The following GLI3 variants were observed in gnomAD, a reference collection of about 807,000 sequenced individuals.
GLI3 encodes the protein transcription activator GLI3.
In GLI3, 20 loss-of-function variants were observed where a neutral mutation model predicts 100.8. The observed-to-expected ratio is 0.20, with a 90% CI of 0.14 to 0.29. The LOEUF is 0.29. Among genes scored for constraint, GLI3 ranks in the 10% least tolerant of loss-of-function variants. GLI3 has a pLI of 1.00. For synonymous variants in GLI3, 938 were observed against 860.5 expected (o/e 1.09, Z -1.58); for missense variants, 2,040 against 2,128.5 (o/e 0.96, Z 0.82).
At chr7:42,194,776 T>TTTTTTTTTTG (rs1787895021) in intron 2 of GLI3, among the ~76,000 whole-genome samples, 1 of 148,960 alleles carries the variant, frequency 6.7e-6, no homozygotes, top group African/African-American at 2.5e-5. Context: ...TTTTTTTTTT[T>TTTTTTTTTTG]GGAGTCGGAG....
intron 4 of GLI3, among the ~76,000 whole-genome samples, chr7:42,069,056 C>A (rs1784733375): frequency 6.6e-6 from 1 of 152,198 alleles, no homozygotes; most frequent in South Asian, 2.1e-4. Flanking sequence ...ACAGGTTTGA[C>A]AGCAGCCTCT....
chr7:42,148,095 C>T (rs1000554403), intron 3 of GLI3, 131 bp downstream of exon 3: 1 of 911,090 alleles, frequency 1.1e-6, no homozygotes, highest in Admixed American at 3.0e-5. Flanking sequence ...GAAAATTACA[C>T]CTTTTAATAA....
At chr7:42,068,059 T>C (rs568579191) in intron 4 of GLI3, among the ~76,000 whole-genome samples, 151 of 152,370 alleles carry the variant, frequency 9.9e-4, no homozygotes, top group African/African-American at 3.2e-3. Context: ...TTATTGGAAA[T>C]GCACTCACAT....
At chr7:42,017,698 C>T (rs549433455) in intron 10 of GLI3, among the ~76,000 whole-genome samples, 36 of 152,252 alleles carry the variant, frequency 2.4e-4, no homozygotes, top group Non-Finnish European at 4.6e-4. Flanking sequence ...ACACACAATG[C>T]GGAAGAAAAA....
intron 3 of GLI3, among the ~76,000 whole-genome samples, chr7:42,082,695 T>C (rs985773415): frequency 5.3e-5 from 8 of 152,298 alleles, no homozygotes; most frequent in Admixed American, 2.0e-4. Flanking sequence ...TGATCTTCTA[T>C]AGGGTAATGC....
At chr7:42,177,625 T>C (rs1433963988) in intron 2 of GLI3, among the ~76,000 whole-genome samples, 2 of 152,180 alleles carry the variant, frequency 1.3e-5, no homozygotes, top group East Asian at 1.9e-4. Flanking sequence ...CTAAATATGA[T>C]GGAAGGAAGA....
chr7:42,150,395 AT>A (rs1786826714), intron 2 of GLI3, among the ~76,000 whole-genome samples: 1 of 152,200 alleles, frequency 6.6e-6, no homozygotes, highest in South Asian at 2.1e-4. Flanking sequence ...TAGAATAAGA[AT>A]TTTGCAGTTA....
chr7:42,048,451 G>T lies in GLI3; in HGVS notation c.679+40C>A, dbSNP rs367979286. 2,279 of 1,312,340 alleles carry T rather than the reference G, an allele frequency of 1.7e-3. 2 individuals carry two copies. The highest frequency in any genetic ancestry group is 1.9e-3 in the Non-Finnish European group (1,737 of 905,958). 81.3% of individuals were successfully genotyped at this position (1,312,340 alleles called of 1,614,324 possible). On this transcript the variant is annotated intron_variant, in intron 5 of 14. Coordinates refer to ENST00000395925, the MANE Select transcript of GLI3 (RefSeq NM_000168.6). ...GTCCCGAGTGAGGAGCGGGGAGGAG[G>T]CTGCATGATCTCCAGAAGCAGAATC...
At chr7:42,012,539 T>C (rs946546987) in intron 10 of GLI3, among the ~76,000 whole-genome samples, 3 of 152,250 alleles carry the variant, frequency 2.0e-5, no homozygotes, top group African/African-American at 4.8e-5. Context: ...TTAGCCATTA[T>C]AGGCTAATAA....
chr7:42,097,835 CTAG>C (rs1785373498), intron 3 of GLI3, among the ~76,000 whole-genome samples: 1 of 152,128 alleles, frequency 6.6e-6, no homozygotes, highest in Non-Finnish European at 1.5e-5. Context: ...TACGACACCC[CTAG>C]TGGACAGATG....
intron 1 of GLI3, among the ~76,000 whole-genome samples, chr7:42,262,177 T>G: frequency 8.2e-6 from 1 of 121,566 alleles, no homozygotes; most frequent in Non-Finnish European, 1.8e-5. Context: ...GCCTCTTTCT[T>G]TTTTCTTTCT....
At chr7:42,175,235 C>T (rs1787455315) in intron 2 of GLI3, among the ~76,000 whole-genome samples, 1 of 152,154 alleles carries the variant, frequency 6.6e-6, no homozygotes, top group South Asian at 2.1e-4. Context: ...CTGGGCCAGT[C>T]CCCCCGAAAT....
At chr7:42,198,336 G>A (rs1192348157) in intron 2 of GLI3, among the ~76,000 whole-genome samples, 2 of 152,170 alleles carry the variant, frequency 1.3e-5, no homozygotes, top group African/African-American at 2.4e-5. Flanking sequence ...GGGCAGGTTC[G>A]GAGCTTCAGA....
At chr7:42,195,108 A>C (rs768810587) in intron 2 of GLI3, among the ~76,000 whole-genome samples, 10 of 152,006 alleles carry the variant, frequency 6.6e-5, no homozygotes, top group Non-Finnish European at 1.2e-4. Flanking sequence ...CCACCAATGA[A>C]GTCTAAGCCA....
chr7:42,025,438 A>C, intron 8 of GLI3, 61 bp from the exon 9 acceptor site: 1 of 1,270,354 alleles, frequency 7.9e-7, no homozygotes, highest in Non-Finnish European at 1.1e-6. Flanking sequence ...GAGCAGTACC[A>C]TAATTAAAAC....
intron 10 of GLI3, among the ~76,000 whole-genome samples, chr7:41,982,860 T>A (rs1403141455): frequency 6.6e-6 from 1 of 152,222 alleles, no homozygotes; most frequent in Admixed American, 6.5e-5. Flanking sequence ...AATTCACCTA[T>A]TTGGCCCTTA....
intron 2 of GLI3, among the ~76,000 whole-genome samples, chr7:42,166,827 A>AT (rs1218186592): frequency 1.7e-3 from 196 of 113,228 alleles, no homozygotes; most frequent in Middle Eastern, 4.9e-3. Flanking sequence ...GACCAGCTAA[A>AT]TTTTTTTTTT....
intron 1 of GLI3, among the ~76,000 whole-genome samples, chr7:42,246,777 G>A (rs1444697943): frequency 2.1e-5 from 3 of 143,762 alleles, no homozygotes; most frequent in Non-Finnish European, 4.5e-5. Context: ...TAGTCCTTGG[G>A]AGTTAAAGGC....
intron 2 of GLI3, among the ~76,000 whole-genome samples, chr7:42,183,437 C>A (rs560169591): frequency 7.3e-4 from 111 of 152,224 alleles, no homozygotes; most frequent in African/African-American, 1.8e-3. Context: ...GCCTGAGGCA[C>A]CTCGTCATTA....
Sources: allele counts gnomAD v4.1 joint callset (sites outside exome capture counted in the v4.1 genomes callset), GRCh38; gene constraint gnomAD v4.1.1; transcripts MANE v1.5; gene names NCBI Gene and HGNC (gene_info 2026-07-23, HGNC 2026-07-21).